CPA5: variants seen among roughly 807,000 people sequenced by gnomAD.
The protein encoded by CPA5 is carboxypeptidase A5.
Under a neutral mutation model 52.2 loss-of-function variants are expected in CPA5, and 38 were observed. The observed-to-expected ratio is 0.73, with a 90% CI of 0.56 to 0.95. The LOEUF is 0.95. Among genes scored for constraint, CPA5 ranks in the 40% least tolerant of loss-of-function variants. The pLI, the probability that CPA5 is intolerant of heterozygous loss-of-function variation, is 0.00. For synonymous variants in CPA5, 198 were observed against 213.7 expected, an observed-to-expected ratio of 0.93 and a Z score of 0.64; for missense variants, 519 against 566.7, an observed-to-expected ratio of 0.92 and a Z score of 0.86.
chr7:130,369,652 TGTGTGTGCAC>T (rs1263123871), downstream of CPA5, among the ~76,000 whole-genome samples: 4 of 152,072 alleles, frequency 2.6e-5, no homozygotes, highest in Middle Eastern at 3.4e-3. Context: ...TGTGTGTGCA[TGTGTGTGCAC>T]GTGTGTGCAT....
rs1554402701 is a variant in CPA5, at chr7:130,347,779, C to T, written c.130C>T (p.Arg44Ter). 5 of 1,613,926 alleles carry T rather than the reference C, an allele frequency of 3.1e-6. No individual in the cohort carries two copies. Among genetic ancestry groups the T allele is most frequent in the East Asian group, 2.2e-5 (1 of 44,856 alleles). Residue 44 changes from arginine (R) to a stop codon, truncating the protein, a stop_gained, in exon 4 of 13, where the codon CGA becomes TGA. Transcript: ENST00000474905. LOFTEE classifies it high-confidence loss of function. ...GTGTTTTTCTAGGGACCAGGTTCTT[C>T]GAGTCCTGGCCAAAGATGAGAAGCA... is the stretch of plus-strand genomic sequence containing the variant. Reference protein sequence around the residue: ...QMNFTGDQVLRVLAKDEKQLS... With the variant: ...QMNFTGDQVL
intron 7 of CPA5, 40 bp downstream of exon 7, chr7:130,361,284 G>A (rs1353316639): frequency 7.2e-7 from 1 of 1,394,516 alleles, no homozygotes; most frequent in Non-Finnish European, 1.0e-6. Flanking sequence ...TCTACCTTGA[G>A]GGCCTCTGGC....
chr7:130,367,777 C>G, intron 11 of CPA5, 129 bp from the exon 12 acceptor site: 2 of 891,964 alleles, frequency 2.2e-6, no homozygotes, highest in South Asian at 1.5e-5. Context: ...TCCCTTCTCA[C>G]AAGGGCCATC....
At chr7:130,368,368 T>G in intron 12 of CPA5, 42 bp from the exon 13 acceptor site, 1 of 1,598,930 alleles carries the variant, frequency 6.3e-7, no homozygotes, top group Non-Finnish European at 8.5e-7. Flanking sequence ...CCACATCCCC[T>G]TCTTCCTTTT....
At position 130,362,927 on chromosome 7, in the gene CPA5, T is replaced by C. The variant is rs902676362; in HGVS notation, c.680T>C (p.Leu227Pro). ...YGKDRVLTDI[L>P]NAMDIFIELV... ...AAAGACCGTGTCCTGACAGACATAC[T>C]GAATGCCATGGACATCTTCATAGAG... The change falls in exon 9 of 13, where the codon CTG (leucine) becomes CCG (proline). Residue 227 changes from leucine to proline, a missense_variant. Physicochemically the swap from Leu to Pro is moderately conservative, Grantham distance 98 (BLOSUM62 -3). Coordinates refer to ENST00000474905, the MANE Select transcript of CPA5 (RefSeq NM_080385.5). 6.2e-6 allele frequency: 10 copies of C among 1,613,790 alleles called. No homozygotes were observed. The highest frequency in any genetic ancestry group is 1.3e-5 in the African/African-American group (1 of 74,900).
At chr7:130,346,362 G>A (rs1451503781) in intron 2 of CPA5, 31 bp from the exon 3 acceptor site, 1 of 638,794 alleles carries the variant, frequency 1.6e-6, no homozygotes, top group Non-Finnish European at 2.6e-6. Flanking sequence ...CACATGCTGG[G>A]TGCCCCAGAC....
chr7:130,371,378 C>T (rs1796293076), downstream of CPA5, among the ~76,000 whole-genome samples: 1 of 152,194 alleles, frequency 6.6e-6, no homozygotes. Flanking sequence ...CACACAGGTC[C>T]TGAGTGGCAG....
Position 130,350,024 on chromosome 7 carries a change from G to T in CPA5, c.248G>T (p.Arg83Ile). 1 of 1,614,078 alleles carries T rather than the reference G, an allele frequency of 6.2e-7. No homozygotes were observed. The highest frequency in any genetic ancestry group is 8.5e-7 in the Non-Finnish European group (1 of 1,179,990). Residue 83 changes from arginine to isoleucine, a missense_variant, in exon 5 of 13, where the codon AGA becomes ATA. Transcript: ENST00000474905. ...AGGCCCAGCCTCCCTGTGGATATGA[G>T]AGTTCCTTTCTCTGAACTGAAAGAC... ...PARPSLPVDM[R>I]VPFSELKDIK... is the part of the protein sequence containing the mutation.
chr7:130,368,815 G>A (rs1584843733), downstream of CPA5: 16 of 565,746 alleles, frequency 2.8e-5, no homozygotes, highest in East Asian at 4.5e-4. Flanking sequence ...CCGCAGGGGA[G>A]CCTGAAATGT....
downstream of CPA5, among the ~76,000 whole-genome samples, chr7:130,368,886 C>A (rs916742144): frequency 2.6e-5 from 4 of 152,128 alleles, no homozygotes; most frequent in African/African-American, 4.8e-5. Context: ...GAGGCTGTAG[C>A]TTTTCTCCTC....
At chr7:130,368,846 C>G (rs1168954754), downstream of CPA5, 2 of 505,706 alleles carry the variant, frequency 4.0e-6, no homozygotes, top group South Asian at 2.9e-5. Flanking sequence ...TCTGCACTCT[C>G]CAGTCTACCT....
chr7:130,365,628 C>T (rs545248690), intron 10 of CPA5, among the ~76,000 whole-genome samples: 5 of 152,212 alleles, frequency 3.3e-5, no homozygotes, highest in Non-Finnish European at 7.3e-5. Flanking sequence ...TGACTGTGAA[C>T]GTCAGAGATG....
intron 5 of CPA5, among the ~76,000 whole-genome samples, chr7:130,353,710 G>A (rs1007188321): frequency 2.0e-5 from 3 of 152,092 alleles, no homozygotes; most frequent in African/African-American, 7.2e-5. Context: ...GGGCCCATGC[G>A]CCATCTCGTC....
In CPA5 at chr7:130,363,414, C is replaced by T. The variant is rs782018392; in HGVS notation, c.748-5C>T. The T allele has an allele frequency of 3.8e-6, 6 of 1,563,274 alleles. No individual in the cohort carries two copies. In the South Asian group the frequency reaches 5.9e-5, roughly 15 times the overall value. On this transcript the variant is annotated splice_region_variant and splice_polypyrimidine_tract_variant and intron_variant, in intron 9 of 12. Coordinates refer to ENST00000474905, the MANE Select transcript of CPA5 (RefSeq NM_080385.5). ...AATGAGGTCACCTGTCCTGGGCTTT[C>T]CCAGAACCGCTTATGGCGGAAGAAC...
chr7:130,358,194 T>A (rs782116275), intron 5 of CPA5, among the ~76,000 whole-genome samples: 3 of 152,124 alleles, frequency 2.0e-5, no homozygotes, highest in Non-Finnish European at 4.4e-5. Context: ...AGATGGGGCC[T>A]TGCTTTGTTG....
the CPA5 span, among the ~76,000 whole-genome samples, chr7:130,373,899 T>G: frequency 6.6e-6 from 1 of 152,118 alleles, no homozygotes; most frequent in Admixed American, 6.5e-5. Context: ...GGGAAACGTG[T>G]TATCATTTCC....
intron 3 of CPA5, 130 bp downstream of exon 3, chr7:130,346,731 C>A: frequency 1.5e-6 from 1 of 683,802 alleles, no homozygotes; most frequent in Non-Finnish European, 2.5e-6. Flanking sequence ...CTGTCCTGAA[C>A]CCACTTCCAG....
rs895357621 is a variant in CPA5, at chr7:130,362,805, C to T, written c.637-79C>T. 27 of 867,418 alleles carry T rather than the reference C, an allele frequency of 3.1e-5. 1 individual carries two copies. The South Asian group carries it at 3.8e-4, about 12-fold the overall frequency. 53.7% of individuals were successfully genotyped at this position (867,418 alleles called of 1,614,324 possible). A position where few individuals can be genotyped will look rare whatever the true frequency, so the allele number is the denominator to read the frequency against. ...GTTTCATGCCATCCCTTCCTGCAGCCACTGGCTGTGAAAATGTCCTGTGCC... is the reference window on the plus strand; with the variant it reads ...GTTTCATGCCATCCCTTCCTGCAGCTACTGGCTGTGAAAATGTCCTGTGCC... On this transcript the variant is annotated intron_variant, in intron 8 of 12. Transcript: ENST00000474905.
chr7:130,368,744 G>A, downstream of CPA5: 4 of 780,528 alleles, frequency 5.1e-6, no homozygotes, highest in Admixed American at 5.5e-5. Context: ...GCTGCCTCTC[G>A]TGTTGGCTAC....
Sources: allele counts gnomAD v4.1 joint callset (sites outside exome capture counted in the v4.1 genomes callset), GRCh38; gene constraint gnomAD v4.1.1; transcripts MANE v1.5; gene names NCBI Gene and HGNC (gene_info 2026-07-23, HGNC 2026-07-21).